Variants in SMG5 observed in about 807,000 individuals in gnomAD.
SMG5 encodes the protein nonsense-mediated mRNA decay factor SMG5.
A neutral mutation model predicts 122.9 loss-of-function variants in SMG5; 53 were observed. That is an observed-to-expected ratio of 0.43 (90% confidence interval 0.35 to 0.54). The LOEUF (loss-of-function observed/expected upper bound fraction) is 0.54. Among genes scored for constraint, SMG5 ranks in the 20% least tolerant of loss-of-function variants. The pLI is 0.01. For synonymous variants in SMG5, 477 were observed against 490.2 expected (o/e 0.97, Z 0.35); for missense variants, 1,153 against 1,285.6 (o/e 0.90, Z 1.58).
intron 16 of SMG5, among the ~76,000 whole-genome samples, chr1:156,258,316 A>T (rs1164264875): frequency 6.6e-6 from 1 of 152,254 alleles, no homozygotes; most frequent in African/African-American, 2.4e-5. Context: ...AAGGCACCTC[A>T]CACCCACTAT....
intron 7 of SMG5, among the ~76,000 whole-genome samples, chr1:156,270,109 T>C (rs1170298451): frequency 1.3e-5 from 2 of 152,208 alleles, no homozygotes; most frequent in African/African-American, 4.8e-5. Context: ...CTTAAAAACA[T>C]GTTTTTAATT....
rs202157416 is a variant in SMG5 at position 156,259,820 on chromosome 1, T to C, written c.2283+631A>G. Among the ~76,000 whole-genome samples, 7 of 152,270 alleles carry C rather than the reference T, an allele frequency of 4.6e-5. No homozygotes were observed. The East Asian group carries it at 1.2e-3, about 25-fold the overall frequency. On this transcript the variant is annotated intron_variant, in intron 15 of 21. Coordinates refer to ENST00000361813, the MANE Select transcript of SMG5 (RefSeq NM_015327.3). ...GTGCTGGGATTACAAAGGTGAGCCATTGCACCTGGCCCCAACTTATTTTTG... is the reference window on the plus strand; with the variant it reads ...GTGCTGGGATTACAAAGGTGAGCCACTGCACCTGGCCCCAACTTATTTTTG...
At chr1:156,270,218 A>G (rs1030643813) in intron 7 of SMG5, among the ~76,000 whole-genome samples, 2 of 152,252 alleles carry the variant, frequency 1.3e-5, no homozygotes, top group African/African-American at 4.8e-5. Context: ...AATGTGGTCT[A>G]TATCTCCTCC....
chr1:156,287,975 G>A, the SMG5 span, among the ~76,000 whole-genome samples: 1 of 151,786 alleles, frequency 6.6e-6, no homozygotes, highest in Non-Finnish European at 1.5e-5. Flanking sequence ...GGTACTTTGG[G>A]AGGCGGAGGC....
intron 5 of SMG5, among the ~76,000 whole-genome samples, chr1:156,274,342 T>C (rs548376473): frequency 2.0e-5 from 3 of 152,340 alleles, no homozygotes; most frequent in South Asian, 4.1e-4. Context: ...AACCCACTAC[T>C]GAAAGAGAAT....
chr1:156,290,329 T>G, the SMG5 span: 4 of 152,544 alleles, frequency 2.6e-5, no homozygotes, highest in Non-Finnish European at 5.9e-5. Flanking sequence ...TTCTTTCTTC[T>G]TTTCTTCTTT....
chr1:156,279,783 T>C (rs867137727), intron 1 of SMG5, among the ~76,000 whole-genome samples: 2 of 152,188 alleles, frequency 1.3e-5, no homozygotes, highest in African/African-American at 4.8e-5. Flanking sequence ...GCTCCTGGGC[T>C]GCTTAGCCGT....
rs185043651 is a variant in SMG5 at position 156,276,107 on chromosome 1, C to T, written c.454+978G>A. ...CTGAGATTACAGGCATGAGCCACCA[C>T]GCCTGGTCTAGAGGTTTGGCTTTTT... On this transcript the variant is annotated intron_variant, in intron 4 of 21. Transcript: ENST00000361813. Among the ~76,000 whole-genome samples the T allele has an allele frequency of 3.0e-4, 45 of 149,848 alleles. No individual in the cohort carries two copies. In the East Asian group the frequency reaches 6.9e-3, roughly 23 times the overall value.
chr1:156,273,058 T>C lies in SMG5; in HGVS notation c.634+303A>G, dbSNP rs150450682. On this transcript the variant is annotated intron_variant, in intron 6 of 21. Coordinates refer to ENST00000361813, the MANE Select transcript of SMG5 (RefSeq NM_015327.3). ...AAATCCCCATCTCTCTCTATAATAGTCTTATGCTTTATCTCATTGTGCTTC... is the reference window on the plus strand; with the variant it reads ...AAATCCCCATCTCTCTCTATAATAGCCTTATGCTTTATCTCATTGTGCTTC... Among the ~76,000 whole-genome samples, 11 of 152,258 alleles carry C rather than the reference T, an allele frequency of 7.2e-5. No homozygotes were observed. In the East Asian group the frequency reaches 1.2e-3, roughly 16 times the overall value.
upstream of SMG5, chr1:156,284,312 G>C (rs1005720733): frequency 2.0e-5 from 3 of 152,320 alleles, no homozygotes; most frequent in Non-Finnish European, 4.4e-5. Flanking sequence ...GAGGGAGACA[G>C]AGAGAAATAC....
intron 6 of SMG5, 108 bp from the exon 7 acceptor site, chr1:156,272,506 C>T (rs1460747987): frequency 3.3e-5 from 27 of 815,820 alleles, no homozygotes; most frequent in Non-Finnish European, 5.1e-5. Flanking sequence ...ACAGCTGGGT[C>T]TGCAGGCAAC....
At chr1:156,257,083 T>G (rs1661611344) in intron 16 of SMG5, among the ~76,000 whole-genome samples, 1 of 152,082 alleles carries the variant, frequency 6.6e-6, no homozygotes, top group Admixed American at 6.6e-5. Flanking sequence ...CCTGCCACCA[T>G]GCCCGGCTAT....
At chr1:156,281,769 G>C (rs967164917) in intron 1 of SMG5, among the ~76,000 whole-genome samples, 18 of 152,172 alleles carry the variant, frequency 1.2e-4, no homozygotes, top group African/African-American at 4.3e-4. Context: ...CCCAGTTGCG[G>C]AGCCCATGTT....
chr1:156,278,102 A>T (rs1055997558), intron 2 of SMG5, 54 bp from the exon 3 acceptor site: 1 of 1,603,960 alleles, frequency 6.2e-7, no homozygotes, highest in Non-Finnish European at 8.5e-7. Flanking sequence ...GAGCAGGGAC[A>T]TAAGAACTGA....
Position 156,268,199 on chromosome 1 carries a change from C to A in SMG5, c.840-16G>T, listed in dbSNP as rs1558240645. 7 of 1,613,910 alleles carry A rather than the reference C, an allele frequency of 4.3e-6. No homozygotes were observed. The highest frequency in any genetic ancestry group is 4.0e-5 in the African/African-American group (3 of 74,892). The stretch of plus-strand genomic sequence containing the variant: ...GTCTTTACATCTGAAATGAGAAGAG[C>A]CCAAAGTAAATGCTGAATGGTCCCG... On this transcript the variant is annotated splice_polypyrimidine_tract_variant and intron_variant, in intron 8 of 21. Coordinates refer to ENST00000361813, the MANE Select transcript of SMG5 (RefSeq NM_015327.3).
intron 1 of SMG5, among the ~76,000 whole-genome samples, chr1:156,281,272 A>T (rs190738358): frequency 6.6e-6 from 1 of 152,376 alleles, no homozygotes; most frequent in Admixed American, 6.5e-5. Flanking sequence ...CTGTGAATGT[A>T]GTGGTTTAAG....
At chr1:156,281,537 C>G (rs189101744) in intron 1 of SMG5, among the ~76,000 whole-genome samples, 2 of 152,334 alleles carry the variant, frequency 1.3e-5, no homozygotes, top group African/African-American at 4.8e-5. Flanking sequence ...ATACTCCCCT[C>G]TGCCTCTGGC....
rs1313512285 is a variant in SMG5, at chr1:156,282,641, C to T, written c.40G>A (p.Glu14Lys). 6 of 1,608,444 alleles carry T rather than the reference C, an allele frequency of 3.7e-6. No individual in the cohort carries two copies. Among genetic ancestry groups the T allele is most frequent in the Non-Finnish European group, 4.2e-6 (5 of 1,179,688 alleles). ...CGCTTAGTGTGGAGGACTTTTGCTTCGGGCTCGCTGCTCTCCCCTGTGGGG... is the reference window on the plus strand; with the variant it reads ...CGCTTAGTGTGGAGGACTTTTGCTTTGGGCTCGCTGCTCTCCCCTGTGGGG... ...GPPTGESSEP[E>K]AKVLHTKRLY... is the part of the protein sequence containing the mutation. The change falls in exon 1 of 22, where the codon GAA becomes AAA. Residue 14 changes from glutamate (E) to lysine (K), a missense_variant. By Grantham distance (56) the Glu-to-Lys change is moderately conservative. Around this residue, in one of 5 missense-constraint regions of SMG5, gnomAD observed 213 missense variants for 197.5 expected, o/e 1.08. Transcript: ENST00000361813.
Position 156,282,701 on chromosome 1 carries a change from G to A in SMG5, c.-21C>T. The stretch of plus-strand genomic sequence containing the variant: ...CTCATGGTGCCCGGGTCCGGGGGCA[G>A]CTCCCGGTCACAGGCCCCTGCCACC... On this transcript the variant is annotated 5_prime_UTR_variant, in exon 1 of 22. Coordinates refer to ENST00000361813, the MANE Select transcript of SMG5 (RefSeq NM_015327.3). 6.3e-7 allele frequency: 1 copy of A among 1,588,214 alleles called. No homozygotes were observed. The highest frequency in any genetic ancestry group is 2.3e-5 in the East Asian group (1 of 44,206).
Sources: allele counts gnomAD v4.1 joint callset (sites outside exome capture counted in the v4.1 genomes callset), GRCh38; gene constraint gnomAD v4.1.1; regional missense constraint gnomAD v4.1.1; transcripts MANE v1.5; gene names NCBI Gene and HGNC (gene_info 2026-07-23, HGNC 2026-07-21).